Variants in PRUNE1 observed in about 807,000 individuals in gnomAD.
PRUNE1 encodes prune exopolyphosphatase 1, also known as exopolyphosphatase PRUNE1.
A neutral mutation model predicts 42.5 loss-of-function variants in PRUNE1; 25 were observed. The observed-to-expected ratio is 0.59, with a 90% CI of 0.43 to 0.82. PRUNE1 has a LOEUF of 0.82. Ranked by LOEUF, PRUNE1 falls within the 40% of genes least tolerant of loss-of-function variation. The pLI is 0.00. For missense variants in PRUNE1, 443 were observed against 539.3 expected, an observed-to-expected ratio of 0.82 and a Z score of 1.77; for synonymous variants, 203 against 217.1, an observed-to-expected ratio of 0.93 and a Z score of 0.57.
chr1:151,027,166 C>T lies in PRUNE1; in HGVS notation c.680-67C>T, dbSNP rs1400239228. On this transcript the variant is annotated intron_variant, in intron 5 of 7. Transcript: ENST00000271620. Reference sequence around the variant, plus strand: ...TCCTTCCTTGACCCATCTGGCTGTCCTTGCCTTCTTGGTCTTGGGACCCTG... The same window carrying T: ...TCCTTCCTTGACCCATCTGGCTGTCTTTGCCTTCTTGGTCTTGGGACCCTG... 3 of 1,160,980 alleles carry T rather than the reference C, an allele frequency of 2.6e-6. No homozygotes were observed. In the African/African-American group the frequency reaches 4.6e-5, roughly 18 times the overall value. The allele number at this position is 1,160,980 out of a possible 1,614,324, so 71.9% of individuals were successfully genotyped here.
intron 3 of PRUNE1, among the ~76,000 whole-genome samples, chr1:151,021,951 A>G (rs1313754377): frequency 6.7e-6 from 1 of 149,544 alleles, no homozygotes; most frequent in Non-Finnish European, 1.5e-5. Flanking sequence ...TACAGGTATG[A>G]GCCACCGTGC....
intron 3 of PRUNE1, among the ~76,000 whole-genome samples, chr1:151,019,556 CAAAAAA>C (rs61399605): frequency 1.9e-5 from 2 of 106,220 alleles, no homozygotes; most frequent in Admixed American, 2.1e-4. Flanking sequence ...GACCCTGTCT[CAAAAAA>C]AAAAAAAAAA....
intron 1 of PRUNE1, among the ~76,000 whole-genome samples, chr1:151,011,718 A>G (rs143589048): frequency 6.2e-4 from 95 of 152,250 alleles, no homozygotes; most frequent in African/African-American, 2.2e-3. Context: ...CACAAAGAAC[A>G]TATCAGGATA....
intron 1 of PRUNE1, among the ~76,000 whole-genome samples, chr1:151,012,460 C>T (rs970778492): frequency 1.3e-5 from 2 of 152,074 alleles, no homozygotes; most frequent in Admixed American, 1.3e-4. Flanking sequence ...AGTCACCCAC[C>T]ACATAAGCCA....
intron 1 of PRUNE1, among the ~76,000 whole-genome samples, chr1:151,010,104 ATTTG>A (rs1262771812): frequency 1.3e-5 from 2 of 151,738 alleles, no homozygotes; most frequent in Admixed American, 6.6e-5. Flanking sequence ...TTTATTTTGT[ATTTG>A]TTTATTTATT....
At chr1:151,030,281 G>T (rs1327407060) in intron 7 of PRUNE1, among the ~76,000 whole-genome samples, 3 of 147,754 alleles carry the variant, frequency 2.0e-5, no homozygotes, top group East Asian at 4.0e-4. Context: ...AAAAAAAAAA[G>T]GTGGGCTTAA....
intron 3 of PRUNE1, among the ~76,000 whole-genome samples, chr1:151,020,664 G>A (rs1674359522): frequency 6.6e-6 from 1 of 151,994 alleles, no homozygotes; most frequent in South Asian, 2.1e-4. Context: ...TACGATTTTA[G>A]AATAATGTAT....
intron 3 of PRUNE1, among the ~76,000 whole-genome samples, chr1:151,023,095 A>G (rs1190689363): frequency 6.6e-6 from 1 of 152,212 alleles, no homozygotes; most frequent in Non-Finnish European, 1.5e-5. Flanking sequence ...GAGGCAGATT[A>G]TGGAGGCCTC....
rs373829588 is a variant in PRUNE1, at chr1:151,024,653, C to T, written c.378C>T (p.Asp126=). ...ALEEAVAEVL[D]HRPIEPKHCP... Reference sequence around the variant, plus strand: ...AGGAGGCAGTAGCAGAGGTGCTAGACCATCGACCCATCGAGCCGAAACACT... The same window carrying T: ...AGGAGGCAGTAGCAGAGGTGCTAGATCATCGACCCATCGAGCCGAAACACT... Residue 126 remains aspartate (D), a synonymous_variant, in exon 4 of 8, where the codon GAC becomes GAT. Transcript: ENST00000271620. The T allele has an allele frequency of 5.0e-6, 8 of 1,613,098 alleles. No individual in the cohort carries two copies. Among genetic ancestry groups the T allele is most frequent in the Non-Finnish European group, 6.8e-6 (8 of 1,179,214 alleles).
rs587621449 is a variant in PRUNE1 at position 151,020,193 on chromosome 1, AG to A, written c.335+1527del. On this transcript the variant is annotated intron_variant, in intron 3 of 7. Coordinates refer to ENST00000271620, the MANE Select transcript of PRUNE1 (RefSeq NM_021222.3). The stretch of plus-strand genomic sequence containing the variant: ...GCTCACGCCTGTAATCCCAGCACTT[AG>A]GGAGACCTGTCTGACCACTATAGCG... 3.3e-3 allele frequency among the ~76,000 whole-genome samples: 466 copies of A among 139,114 alleles called. 3 individuals carry two copies. Among genetic ancestry groups the A allele is most frequent in the South Asian group, 7.5e-3 (32 of 4,282 alleles). The allele number at this position is 139,114 out of a possible 152,430, so 91.3% of individuals were successfully genotyped here. A position where few individuals can be genotyped will look rare whatever the true frequency, so the allele number is the denominator to read the frequency against.
chr1:151,013,730 C>T (rs974477309), intron 1 of PRUNE1, among the ~76,000 whole-genome samples: 1 of 152,172 alleles, frequency 6.6e-6, no homozygotes, highest in African/African-American at 2.4e-5. Flanking sequence ...CTCGCTCCCC[C>T]TAACTGCTTC....
At chr1:151,009,299 T>C (rs1241125684) in intron 1 of PRUNE1, among the ~76,000 whole-genome samples, 2 of 152,244 alleles carry the variant, frequency 1.3e-5, no homozygotes, top group Non-Finnish European at 2.9e-5. Flanking sequence ...TTCCTTTGCC[T>C]CCAGGTTTCT....
chr1:151,024,962 G>A (rs1333439416), intron 4 of PRUNE1, among the ~76,000 whole-genome samples, 167 bp downstream of exon 4: 1 of 152,152 alleles, frequency 6.6e-6, no homozygotes, highest in African/African-American at 2.4e-5. Flanking sequence ...GTGTTTAAAG[G>A]CCTGTGGGAT....
At chr1:151,023,181 AG>A (rs1389458787) in intron 3 of PRUNE1, among the ~76,000 whole-genome samples, 2 of 152,172 alleles carry the variant, frequency 1.3e-5, no homozygotes, top group East Asian at 3.8e-4. Flanking sequence ...GGGTCCTAAA[AG>A]AATCAGATTT....
chr1:151,009,891 A>C (rs1251125076), intron 1 of PRUNE1, among the ~76,000 whole-genome samples: 1 of 152,158 alleles, frequency 6.6e-6, no homozygotes, highest in African/African-American at 2.4e-5. Flanking sequence ...GGACTAATGT[A>C]GAGTTTTTGG....
Position 151,024,685 on chromosome 1 carries a change from C to T in PRUNE1, c.410C>T (p.Pro137Leu). The T allele has an allele frequency of 6.2e-7, 1 of 1,613,988 alleles. No homozygotes were observed. Among genetic ancestry groups the T allele is most frequent in the East Asian group, 2.2e-5 (1 of 44,884 alleles). ...CCCATCGAGCCGAAACACTGCCCTC[C>T]CTGCCATGTTTCAGTTGAGCTGGTG... ...HRPIEPKHCP[P>L]CHVSVELVGS... The change falls in exon 4 of 8, where the codon CCC (proline) becomes CTC (leucine). Residue 137 changes from proline to leucine, a missense_variant. Transcript: ENST00000271620.
chr1:151,032,931 G>A (rs1675324313), intron 7 of PRUNE1, among the ~76,000 whole-genome samples: 1 of 151,514 alleles, frequency 6.6e-6, no homozygotes, highest in South Asian at 2.1e-4. Flanking sequence ...GAACCACCAT[G>A]TCTGGCTAAT....
intron 7 of PRUNE1, 37 bp downstream of exon 7, chr1:151,028,981 C>T (rs1443589061): frequency 6.4e-7 from 1 of 1,572,998 alleles, no homozygotes; most frequent in African/African-American, 1.4e-5. Flanking sequence ...AAGAGCCTTA[C>T]AGAGTCTGCC....
intron 4 of PRUNE1, among the ~76,000 whole-genome samples, 189 bp downstream of exon 4, chr1:151,024,984 A>T (rs587702155): frequency 2.7e-4 from 41 of 152,268 alleles, no homozygotes; most frequent in Non-Finnish European, 5.3e-4. Flanking sequence ...CTTGTTGGAG[A>T]AAGTAGAAAG....
Sources: allele counts gnomAD v4.1 joint callset (sites outside exome capture counted in the v4.1 genomes callset), GRCh38; gene constraint gnomAD v4.1.1; transcripts MANE v1.5; gene names NCBI Gene and HGNC (gene_info 2026-07-23, HGNC 2026-07-21).